Variants in HDAC9 observed in about 807,000 individuals in gnomAD.
HDAC9 encodes histone deacetylase 9, also known as MEF-2 interacting transcription repressor (MITR) protein.
A neutral mutation model predicts 139.4 loss-of-function variants in HDAC9; 41 were observed. The ratio of observed to expected loss-of-function variants is 0.29; its 90% CI spans 0.23 to 0.38. The LOEUF is 0.38. HDAC9 is among the 10% of genes least tolerant of loss of function. HDAC9 has a pLI of 1.00. For missense variants in HDAC9, 1,147 were observed against 1,297.0 expected, an observed-to-expected ratio of 0.88 and a Z score of 1.78; for synonymous variants, 517 against 476.2, an observed-to-expected ratio of 1.09 and a Z score of -1.12.
chr7:18,201,910 C>T (rs559014980), intron 2 of HDAC9, among the ~76,000 whole-genome samples: 2 of 152,070 alleles, frequency 1.3e-5, no homozygotes, highest in Admixed American at 6.6e-5. Context: ...ATTAAGTAGC[C>T]GGTAATGAGA....
chr7:18,611,582 G>A (rs897038383), intron 6 of HDAC9, among the ~76,000 whole-genome samples: 4 of 152,070 alleles, frequency 2.6e-5, no homozygotes, highest in Non-Finnish European at 5.9e-5. Context: ...TACAATGCCA[G>A]GTTTGAAGAC....
rs745586759 is a variant in HDAC9 at position 18,998,326 on chromosome 7, G to A, written c.*2264G>A. ...CAGTTTAGCCACATGTTTATGCCAA[G>A]CCATTAATCTGATAAAGCCAAATCA... On this transcript the variant is annotated 3_prime_UTR_variant, in exon 26 of 26. Coordinates refer to ENST00000686413, the MANE Select transcript of HDAC9 (RefSeq NM_178425.4). 5 of 152,174 alleles carry A rather than the reference G, an allele frequency of 3.3e-5. No individual in the cohort carries two copies. Among genetic ancestry groups the A allele is most frequent in the South Asian group, 2.1e-4 (1 of 4,832 alleles). 9.4% of individuals were successfully genotyped at this position (152,174 alleles called of 1,614,324 possible). A position where few individuals can be genotyped will look rare whatever the true frequency, so the allele number is the denominator to read the frequency against.
At chr7:18,178,126 C>G (rs1169780781) in intron 2 of HDAC9, among the ~76,000 whole-genome samples, 1 of 151,634 alleles carries the variant, frequency 6.6e-6, no homozygotes, top group Admixed American at 6.6e-5. Context: ...CTCTGTCACC[C>G]AGGCTGGAGT....
At chr7:18,897,925 GAC>G (rs1208616434) in intron 22 of HDAC9, among the ~76,000 whole-genome samples, 2 of 151,340 alleles carry the variant, frequency 1.3e-5, no homozygotes, top group East Asian at 1.9e-4. Flanking sequence ...GATCTTTCTA[GAC>G]ACAGTTTTTT....
chr7:18,666,342 G>A lies in HDAC9; in HGVS notation c.1597G>A (p.Asp533Asn), dbSNP rs991351130. 7 of 1,613,300 alleles carry A rather than the reference G, an allele frequency of 4.3e-6. No homozygotes were observed. The highest frequency in any genetic ancestry group is 1.7e-5 in the Admixed American group (1 of 59,944). Residue 533 changes from aspartate (D) to asparagine (N), a missense_variant, in exon 12 of 26, where the codon GAC (aspartate) becomes AAC (asparagine). By Grantham distance (23) the Asp-to-Asn change is conservative. Around this residue, in one of 7 missense-constraint regions of HDAC9, gnomAD observed 256 missense variants for 219.2 expected, o/e 1.17. Transcript: ENST00000686413. ...CTCTAGTGGCAACAGCACTAGGAGC[G>A]ACAGCAGTGCTTGTGTGGATGACAC... is the stretch of plus-strand genomic sequence containing the variant. ...APSSGNSTRSDSSACVDDTLG... is the reference protein window; with the variant it reads ...APSSGNSTRSNSSACVDDTLG...
chr7:18,229,415 T>A (rs1214112511), intron 2 of HDAC9, among the ~76,000 whole-genome samples: 1 of 152,218 alleles, frequency 6.6e-6, no homozygotes, highest in East Asian at 1.9e-4. Context: ...AAAAGTAGAG[T>A]GCAGGGATGC....
intron 1 of HDAC9, among the ~76,000 whole-genome samples, chr7:18,140,753 T>C (rs1343831375): frequency 6.6e-6 from 1 of 152,058 alleles, no homozygotes; most frequent in Non-Finnish European, 1.5e-5. Flanking sequence ...TACACATATA[T>C]AGAATACATA....
intron 2 of HDAC9, among the ~76,000 whole-genome samples, chr7:18,279,294 C>G (rs1796943776): frequency 6.6e-6 from 1 of 152,000 alleles, no homozygotes; most frequent in Non-Finnish European, 1.5e-5. Context: ...CCAATTTTAT[C>G]CTTGTTCTTA....
At chr7:18,230,931 A>T (rs995188318) in intron 2 of HDAC9, among the ~76,000 whole-genome samples, 1 of 152,220 alleles carries the variant, frequency 6.6e-6, no homozygotes, top group Non-Finnish European at 1.5e-5. Flanking sequence ...CATAAGCAAG[A>T]ATATATAACA....
At chr7:18,536,351 G>T (rs531554574) in intron 2 of HDAC9, among the ~76,000 whole-genome samples, 1 of 152,064 alleles carries the variant, frequency 6.6e-6, no homozygotes, top group Non-Finnish European at 1.5e-5. Context: ...TCCCGAATCA[G>T]CTCCCACCTA....
At chr7:18,400,153 A>G (rs980274402) in intron 1 of HDAC9, among the ~76,000 whole-genome samples, 10 of 152,240 alleles carry the variant, frequency 6.6e-5, no homozygotes, top group Non-Finnish European at 1.2e-4. Flanking sequence ...GTACCATGCT[A>G]CTTTGGAGTC....
chr7:18,654,285 G>A lies in HDAC9; in HGVS notation c.1467+5602G>A, dbSNP rs530149377. Among the ~76,000 whole-genome samples, 3 of 152,090 alleles carry A rather than the reference G, an allele frequency of 2.0e-5. No individual in the cohort carries two copies. The East Asian group carries it at 5.8e-4, about 29-fold the overall frequency. On this transcript the variant is annotated intron_variant, in intron 11 of 25. Coordinates refer to ENST00000686413, the MANE Select transcript of HDAC9 (RefSeq NM_178425.4). ...GCCATTTACCCACTTTTGACTTTTT[G>A]CTGCACCTACTTCTTCTAGTGTACC...
chr7:18,621,478 C>A (rs1475007594), intron 6 of HDAC9, among the ~76,000 whole-genome samples: 1 of 151,902 alleles, frequency 6.6e-6, no homozygotes, highest in Non-Finnish European at 1.5e-5. Context: ...AACAAGTAGA[C>A]AAAATTGGTA....
intron 23 of HDAC9, among the ~76,000 whole-genome samples, chr7:18,938,336 C>G (rs538519538): frequency 4.7e-4 from 71 of 152,090 alleles, no homozygotes; most frequent in African/African-American, 1.5e-3. Context: ...TGTCTCACGC[C>G]TGTAATCGCA....
intron 2 of HDAC9, among the ~76,000 whole-genome samples, chr7:18,186,097 G>A (rs1369322259): frequency 2.6e-5 from 4 of 152,172 alleles, no homozygotes; most frequent in African/African-American, 9.7e-5. Flanking sequence ...TTTTGAAGAT[G>A]GAAAACCAAG....
chr7:18,092,586 C>T (rs950916095), intron 1 of HDAC9, among the ~76,000 whole-genome samples: 18 of 151,994 alleles, frequency 1.2e-4, no homozygotes, highest in Non-Finnish European at 2.1e-4. Context: ...GAGGATTCTC[C>T]ACATATAATA....
Position 18,430,894 on chromosome 7 carries a change from A to G in HDAC9, c.-41-65368A>G, listed in dbSNP as rs576593673. Among the ~76,000 whole-genome samples the G allele has an allele frequency of 9.2e-5, 14 of 152,244 alleles. No homozygotes were observed. The South Asian group carries it at 2.7e-3, about 29-fold the overall frequency. ...AGAGTGAGACTATCTAAACAAACCA[A>G]ACCAAACCAAACAAAACAAAACTAA... On this transcript the variant is annotated intron_variant, in intron 1 of 3. Coordinates refer to the HDAC9 transcript ENST00000413509.
chr7:18,703,164 T>C (rs1387750402), intron 12 of HDAC9, among the ~76,000 whole-genome samples: 1 of 152,192 alleles, frequency 6.6e-6, no homozygotes, highest in Non-Finnish European at 1.5e-5. Flanking sequence ...AGTATATATA[T>C]TGTTGCCTTA....
intron 17 of HDAC9, among the ~76,000 whole-genome samples, chr7:18,822,632 C>G (rs113476423): frequency 0.046 from 7,017 of 152,054 alleles, 494 homozygotes; most frequent in African/African-American, 0.15. Flanking sequence ...GGATTACAGG[C>G]GTGAGCCAGC....
Sources: allele counts gnomAD v4.1 joint callset (sites outside exome capture counted in the v4.1 genomes callset), GRCh38; gene constraint gnomAD v4.1.1; regional missense constraint gnomAD v4.1.1; transcripts MANE v1.5; gene names NCBI Gene and HGNC (gene_info 2026-07-23, HGNC 2026-07-21).